The following NCAM1 variants were observed in gnomAD, a reference collection of about 807,000 sequenced individuals.
The protein encoded by NCAM1 is antigen recognized by monoclonal antibody 5.1H11.
Under a neutral mutation model 109.8 loss-of-function variants are expected in NCAM1, and 14 were observed. That is an observed-to-expected ratio of 0.13 (90% CI 0.08 to 0.20). The LOEUF (loss-of-function observed/expected upper bound fraction) is 0.20. Ranked by LOEUF, NCAM1 falls within the 10% of genes least tolerant of loss-of-function variation. The probability of loss-of-function intolerance (pLI) is 1.00; values close to 1 mark genes in which losing one functional copy is unlikely to be tolerated. For missense variants in NCAM1, 774 were observed against 1,109.9 expected, an observed-to-expected ratio of 0.70 and a Z score of 4.30; for synonymous variants, 418 against 442.9, an observed-to-expected ratio of 0.94 and a Z score of 0.70.
At chr11:112,977,078 A>G (rs1951027279) in intron 1 of NCAM1, among the ~76,000 whole-genome samples, 1 of 149,900 alleles carries the variant, frequency 6.7e-6, no homozygotes. Context: ...AAGGCCTAAC[A>G]GCTGTATCAG....
Position 113,062,677 on chromosome 11 carries a change from A to C in NCAM1, c.52+101013A>C, listed in dbSNP as rs116466325. On this transcript the variant is annotated intron_variant, in intron 1 of 19. Transcript: ENST00000316851. ...CCAAGGAGATGACATCTATGTAAAA[A>C]ATTTAAAGTTTAGGCCAGGTGCGGT... Among the ~76,000 whole-genome samples, 258 of 152,244 alleles carry C rather than the reference A, an allele frequency of 1.7e-3. 1 individual carries two copies. Among genetic ancestry groups the C allele is most frequent in the African/African-American group, 6.0e-3 (248 of 41,544 alleles).
intron 1 of NCAM1, among the ~76,000 whole-genome samples, chr11:113,108,010 C>T (rs922905814): frequency 3.9e-5 from 6 of 152,150 alleles, no homozygotes; most frequent in Non-Finnish European, 8.8e-5. Context: ...TAAGTTCCCC[C>T]AAGCTCCTTA....
At position 113,234,935 on chromosome 11, in the gene NCAM1, C is replaced by T. The variant is rs1041098258; in HGVS notation, c.1694-98C>T. ...AGAATTGCTGGACCAAATGATAAATCTACAGTTAATTTTTTCAGGACCCTC... is the reference window on the plus strand; with the variant it reads ...AGAATTGCTGGACCAAATGATAAATTTACAGTTAATTTTTTCAGGACCCTC... On this transcript the variant is annotated intron_variant, in intron 13 of 19. Coordinates refer to ENST00000316851, the MANE Select transcript of NCAM1 (RefSeq NM_181351.5). 3 of 1,394,190 alleles carry T rather than the reference C, an allele frequency of 2.2e-6. No homozygotes were observed. In the Admixed American group the frequency reaches 7.9e-5, roughly 37 times the overall value. The allele number at this position is 1,394,190 out of a possible 1,614,324, so 86.4% of individuals were successfully genotyped here.
intron 9 of NCAM1, among the ~76,000 whole-genome samples, chr11:113,225,686 G>A (rs183048580): frequency 5.4e-4 from 82 of 152,350 alleles, no homozygotes; most frequent in African/African-American, 1.9e-3. Context: ...CAGAGACAAA[G>A]GTCGGGTTAC....
At chr11:113,198,100 C>T (rs932145621) in intron 1 of NCAM1, among the ~76,000 whole-genome samples, 1 of 152,166 alleles carries the variant, frequency 6.6e-6, no homozygotes, top group African/African-American at 2.4e-5. Flanking sequence ...CTATTTTACT[C>T]AACTGAGGTG....
At chr11:113,231,922 C>A in intron 10 of NCAM1, 127 bp downstream of exon 10, 1 of 1,312,142 alleles carries the variant, frequency 7.6e-7, no homozygotes, top group Non-Finnish European at 1.1e-6. Flanking sequence ...GCAGCTGACC[C>A]TGGGCTATTT....
At chr11:113,106,269 G>A (rs555084625) in intron 1 of NCAM1, among the ~76,000 whole-genome samples, 2 of 152,248 alleles carry the variant, frequency 1.3e-5, no homozygotes, top group African/African-American at 4.8e-5. Context: ...TTAGAGATCC[G>A]AATTCTTTTT....
intron 1 of NCAM1, among the ~76,000 whole-genome samples, chr11:113,085,758 T>C (rs894165856): frequency 1.3e-5 from 2 of 152,202 alleles, no homozygotes. Context: ...GCTCACTCTT[T>C]ATCATCCTGC....
At chr11:113,269,235 C>G (rs782716116) in intron 17 of NCAM1, among the ~76,000 whole-genome samples, 10 of 152,096 alleles carry the variant, frequency 6.6e-5, no homozygotes, top group Non-Finnish European at 1.5e-4. Context: ...GTCCAGGTCT[C>G]TCTGTGAAAC....
At chr11:113,240,684 C>A (rs1945294442) in intron 14 of NCAM1, 2 of 1,079,356 alleles carry the variant, frequency 1.9e-6, no homozygotes, top group Non-Finnish European at 2.9e-6. Flanking sequence ...CACTTCAGCT[C>A]CTCATACTGA....
chr11:113,020,750 G>C (rs1438224079), intron 1 of NCAM1, among the ~76,000 whole-genome samples: 3 of 152,022 alleles, frequency 2.0e-5, no homozygotes. Flanking sequence ...ATGTTCTGCT[G>C]TTTATTATTA....
intron 1 of NCAM1, among the ~76,000 whole-genome samples, chr11:113,079,400 A>C (rs1555086755): frequency 6.6e-6 from 1 of 152,110 alleles, no homozygotes; most frequent in African/African-American, 2.4e-5. Flanking sequence ...CACCTCCTCT[A>C]TACCCGTGTT....
chr11:113,069,824 G>A (rs1938176064), intron 1 of NCAM1, among the ~76,000 whole-genome samples: 1 of 152,128 alleles, frequency 6.6e-6, no homozygotes, highest in African/African-American at 2.4e-5. Flanking sequence ...GGATGACTCA[G>A]GTTTCTGGCT....
chr11:113,164,992 G>A (rs1221627006), intron 1 of NCAM1, among the ~76,000 whole-genome samples: 2 of 152,140 alleles, frequency 1.3e-5, no homozygotes, highest in African/African-American at 4.8e-5. Context: ...TTCTAAGAGA[G>A]TAGGAGCTGT....
At position 113,066,973 on chromosome 11, in the gene NCAM1, C is replaced by T. The variant is rs555662093; in HGVS notation, c.52+105309C>T. ...GAGCCGAGATCCCGCCACTGCACTCCGGCCTGGGTGACAGAGCGAGAACCC... is the reference window on the plus strand; with the variant it reads ...GAGCCGAGATCCCGCCACTGCACTCTGGCCTGGGTGACAGAGCGAGAACCC... On this transcript the variant is annotated intron_variant, in intron 1 of 19. Transcript: ENST00000316851. Among the ~76,000 whole-genome samples the T allele has an allele frequency of 2.1e-4, 28 of 136,262 alleles. No individual in the cohort carries two copies. The South Asian group carries it at 4.4e-3, about 21-fold the overall frequency. The allele number at this position is 136,262 out of a possible 152,430, so 89.4% of individuals were successfully genotyped here.
chr11:112,989,951 G>T (rs1229853522), intron 1 of NCAM1, among the ~76,000 whole-genome samples: 2 of 152,174 alleles, frequency 1.3e-5, no homozygotes, highest in Non-Finnish European at 1.5e-5. Flanking sequence ...CAATTGTCCT[G>T]TCAGCCCTGT....
intron 1 of NCAM1, among the ~76,000 whole-genome samples, chr11:113,147,756 T>C (rs944263643): frequency 1.8e-4 from 27 of 152,238 alleles, no homozygotes; most frequent in African/African-American, 7.2e-5. Flanking sequence ...AGAATGATGC[T>C]GGCCAGGAAT....
chr11:113,270,520 C>T (rs1222479029), intron 18 of NCAM1, 125 bp downstream of exon 18: 3 of 871,114 alleles, frequency 3.4e-6, no homozygotes, highest in South Asian at 3.4e-5. Context: ...CCATTTGGAA[C>T]CCTGATGGGG....
chr11:113,199,632 G>A (rs1943973086), intron 1 of NCAM1, among the ~76,000 whole-genome samples: 1 of 149,976 alleles, frequency 6.7e-6, no homozygotes, highest in South Asian at 2.1e-4. Context: ...GGGGACTGTT[G>A]TGGGGTGGGG....
Sources: allele counts gnomAD v4.1 joint callset (sites outside exome capture counted in the v4.1 genomes callset), GRCh38; gene constraint gnomAD v4.1.1; transcripts MANE v1.5; gene names NCBI Gene and HGNC (gene_info 2026-07-23, HGNC 2026-07-21).